CAAP1: variants seen among roughly 807,000 people sequenced by gnomAD.
CAAP1 encodes conserved anti-apoptotic protein.
Under a neutral mutation model 34.0 loss-of-function variants are expected in CAAP1, and 20 were observed. The ratio of observed to expected loss-of-function variants is 0.59; its 90% CI spans 0.41 to 0.86. The LOEUF is 0.86. CAAP1 is among the 40% of genes least tolerant of loss of function. The pLI is 0.00. For missense variants in CAAP1, 538 were observed against 450.5 expected, an observed-to-expected ratio of 1.19 and a Z score of -1.76; for synonymous variants, 213 against 166.7, an observed-to-expected ratio of 1.28 and a Z score of -2.14.
rs374707969 is a variant in CAAP1 at position 26,857,027 on chromosome 9, C to T, written c.739+4039G>A. Among the ~76,000 whole-genome samples, 13 of 152,290 alleles carry T rather than the reference C, an allele frequency of 8.5e-5. No individual in the cohort carries two copies. In the South Asian group the frequency reaches 2.3e-3, roughly 27 times the overall value. On this transcript the variant is annotated intron_variant, in intron 5 of 5. Transcript: ENST00000333916. ...ACTATTGCTGAATGTCTTGAGTAAACTTAACATTAGCAGATACTTGATATT... is the reference window on the plus strand; with the variant it reads ...ACTATTGCTGAATGTCTTGAGTAAATTTAACATTAGCAGATACTTGATATT...
intron 4 of CAAP1, among the ~76,000 whole-genome samples, chr9:26,864,287 T>G (rs992968908): frequency 6.6e-6 from 1 of 152,114 alleles, no homozygotes; most frequent in African/African-American, 2.4e-5. Context: ...AGTAATACAC[T>G]GGGGAGATCT....
Position 26,870,264 on chromosome 9 carries a change from T to C in CAAP1, c.666-9125A>G, listed in dbSNP as rs536989622. On this transcript the variant is annotated intron_variant, in intron 4 of 5. Transcript: ENST00000333916. ...TCTGCTTCCTATTTAAAAGTAACTATACCAAGATTTGCTTCAAAGTAATCA... is the reference window on the plus strand; with the variant it reads ...TCTGCTTCCTATTTAAAAGTAACTACACCAAGATTTGCTTCAAAGTAATCA... Among the ~76,000 whole-genome samples, 47 of 152,088 alleles carry C rather than the reference T, an allele frequency of 3.1e-4. 1 individual carries two copies. Among genetic ancestry groups the C allele is most frequent in the African/African-American group, 8.4e-4 (35 of 41,514 alleles).
rs999814750 is a variant in CAAP1, at chr9:26,890,524, A to G, written c.303+1889T>C. On this transcript the variant is annotated intron_variant, in intron 1 of 5. Coordinates refer to ENST00000333916, the MANE Select transcript of CAAP1 (RefSeq NM_024828.4). ...CACTCTAAAAAACTCCACTAGACCC[A>G]GATACTTCTGACAAATATTTGAGAA... 4.4e-4 allele frequency among the ~76,000 whole-genome samples: 67 copies of G among 152,156 alleles called. 2 individuals are homozygous for G. The highest frequency in any genetic ancestry group is 1.5e-3 in the African/African-American group (64 of 41,404).
chr9:26,889,237 T>C (rs1823837562), intron 1 of CAAP1, among the ~76,000 whole-genome samples: 1 of 151,822 alleles, frequency 6.6e-6, no homozygotes, highest in Non-Finnish European at 1.5e-5. Flanking sequence ...GCCAACATGG[T>C]GAAACCCCGT....
intron 4 of CAAP1, among the ~76,000 whole-genome samples, chr9:26,883,698 G>T (rs1047511047): frequency 6.6e-6 from 1 of 152,094 alleles, no homozygotes; most frequent in African/African-American, 2.4e-5. Flanking sequence ...ACAAAATGTT[G>T]ATCAACGTGG....
rs529207316 is a variant in CAAP1, at chr9:26,874,137, G to A, written c.665+10673C>T. On this transcript the variant is annotated intron_variant, in intron 4 of 5. Coordinates refer to ENST00000333916, the MANE Select transcript of CAAP1 (RefSeq NM_024828.4). ...CAGGAGAATGGCGTGAACCCGGGAG[G>A]TGGAACTTGCAGTGAGCCTAGATCA... 1.3e-4 allele frequency among the ~76,000 whole-genome samples: 19 copies of A among 147,688 alleles called. No individual in the cohort carries two copies. The East Asian group carries it at 3.1e-3, about 24-fold the overall frequency.
At chr9:26,871,897 G>C (rs958274403) in intron 4 of CAAP1, among the ~76,000 whole-genome samples, 5 of 148,392 alleles carry the variant, frequency 3.4e-5, no homozygotes, top group Non-Finnish European at 7.4e-5. Flanking sequence ...CTGGGCGACA[G>C]AGCCAGACTT....
intron 4 of CAAP1, among the ~76,000 whole-genome samples, chr9:26,863,948 T>C (rs2070291422): frequency 6.6e-6 from 1 of 152,100 alleles, no homozygotes; most frequent in South Asian, 2.1e-4. Flanking sequence ...TACACCATCA[T>C]GCCCGGCTAA....
At chr9:26,849,046 C>T (rs531254762) in intron 5 of CAAP1, among the ~76,000 whole-genome samples, 5 of 152,164 alleles carry the variant, frequency 3.3e-5, no homozygotes, top group African/African-American at 7.2e-5. Flanking sequence ...TACTTGGGTG[C>T]GGAGTTTGAG....
intron 1 of CAAP1, among the ~76,000 whole-genome samples, chr9:26,889,217 G>C (rs1461745238): frequency 1.3e-5 from 2 of 152,044 alleles, no homozygotes; most frequent in East Asian, 3.9e-4. Flanking sequence ...AGCTGTTCGA[G>C]ACCAGCCTGG....
At chr9:26,854,422 C>T (rs1442342412) in intron 5 of CAAP1, among the ~76,000 whole-genome samples, 1 of 152,108 alleles carries the variant, frequency 6.6e-6, no homozygotes, top group Non-Finnish European at 1.5e-5. Flanking sequence ...ATACTATTTC[C>T]CAGAACTTAA....
intron 1 of CAAP1, 149 bp downstream of exon 1, chr9:26,892,264 C>G: frequency 6.6e-7 from 1 of 1,524,454 alleles, no homozygotes; most frequent in African/African-American, 1.4e-5. Flanking sequence ...CTCACCAGGA[C>G]TTAGGTAGGA....
At chr9:26,882,112 G>A (rs1823605771) in intron 4 of CAAP1, among the ~76,000 whole-genome samples, 1 of 152,186 alleles carries the variant, frequency 6.6e-6, no homozygotes, top group South Asian at 2.1e-4. Context: ...AGTTTTAAAA[G>A]GGAAACAGAG....
At chr9:26,860,707 G>A (rs1030369308) in intron 5 of CAAP1, among the ~76,000 whole-genome samples, 1 of 150,754 alleles carries the variant, frequency 6.6e-6, no homozygotes. Flanking sequence ...CAGGAGAATG[G>A]CGTGAACCGG....
chr9:26,842,992 T>C (rs529834162), intron 5 of CAAP1, among the ~76,000 whole-genome samples: 2 of 152,312 alleles, frequency 1.3e-5, no homozygotes, highest in South Asian at 4.1e-4. Flanking sequence ...AAAGCTGACA[T>C]TGGAAATCCT....
chr9:26,882,459 T>C (rs184116810), intron 4 of CAAP1, among the ~76,000 whole-genome samples: 7 of 152,308 alleles, frequency 4.6e-5, no homozygotes, highest in Admixed American at 1.3e-4. Flanking sequence ...TCAAGAACTG[T>C]GCACCTGCAG....
chr9:26,860,951 G>A, intron 5 of CAAP1, 115 bp downstream of exon 5: 4 of 721,378 alleles, frequency 5.5e-6, no homozygotes, highest in Admixed American at 2.4e-5. Flanking sequence ...CAAATAAATT[G>A]CTCTCTTCCT....
intron 4 of CAAP1, chr9:26,870,023 G>A (rs1823235433): frequency 2.0e-6 from 1 of 508,768 alleles, no homozygotes; most frequent in Non-Finnish European, 2.5e-6. Context: ...TTAGGTTTCT[G>A]TAATAGAAAG....
intron 4 of CAAP1, among the ~76,000 whole-genome samples, chr9:26,884,506 A>G (rs114067740): frequency 0.02 from 3,098 of 152,284 alleles, 102 homozygotes; most frequent in African/African-American, 0.07. Flanking sequence ...ATAAATAAAT[A>G]GTGAGGATCG....
Sources: allele counts gnomAD v4.1 joint callset (sites outside exome capture counted in the v4.1 genomes callset), GRCh38; gene constraint gnomAD v4.1.1; transcripts MANE v1.5; gene names NCBI Gene and HGNC (gene_info 2026-07-23, HGNC 2026-07-21).